Variants in CCSER1 observed in about 807,000 individuals in gnomAD.
The protein encoded by CCSER1 is coiled-coil serine rich protein 1, also known as serine-rich coiled-coil domain-containing protein 1.
Under a neutral mutation model 82.0 loss-of-function variants are expected in CCSER1, and 41 were observed. The observed-to-expected ratio is 0.50, with a 90% confidence interval of 0.39 to 0.65. The LOEUF (loss-of-function observed/expected upper bound fraction) is 0.65, where lower values mean the gene tolerates loss of function less well. Among genes scored for constraint, CCSER1 ranks in the 30% least tolerant of loss-of-function variants. CCSER1 has a pLI of 0.00. For synonymous variants in CCSER1, 414 were observed against 383.9 expected (o/e 1.08, Z -0.92); for missense variants, 1,119 against 1,064.2 (o/e 1.05, Z -0.72).
chr4:90,805,875 C>A (rs920909468), intron 7 of CCSER1, among the ~76,000 whole-genome samples: 1 of 152,132 alleles, frequency 6.6e-6, no homozygotes, highest in Non-Finnish European at 1.5e-5. Context: ...AAATCCTGTT[C>A]ATTCTACACA....
chr4:91,105,134 A>G (rs1725474181), intron 10 of CCSER1, among the ~76,000 whole-genome samples: 1 of 151,580 alleles, frequency 6.6e-6, no homozygotes. Flanking sequence ...CTTATATGAT[A>G]GAACATGAAG....
At position 90,483,192 on chromosome 4, in the gene CCSER1, A is replaced by C. The variant is rs187934542; in HGVS notation, c.1724+14838A>C. On this transcript the variant is annotated intron_variant, in intron 5 of 10. Transcript: ENST00000509176. ...CTGTTTTATCCGAGACTAGGATTGC[A>C]ACCCCTGCCTTTTTTTGTTTTCCGT... Among the ~76,000 whole-genome samples the C allele has an allele frequency of 5.1e-4, 77 of 152,254 alleles. 1 individual carries two copies. In the East Asian group the frequency reaches 0.014, roughly 29 times the overall value.
At position 90,932,972 on chromosome 4, in the gene CCSER1, A is replaced by AG. The variant is rs1347297251; in HGVS notation, c.2172+9525_2172+9526insG. On this transcript the variant is annotated intron_variant, in intron 9 of 10. Transcript: ENST00000509176. ...AAAGAAAGAAAGAAAGAAAGAAAGAAAGAAAGAAAGAGAAAGAAAGAAAGA... is the reference window on the plus strand; with the variant it reads ...AAAGAAAGAAAGAAAGAAAGAAAGAAGAGAAAGAAAGAGAAAGAAAGAAAGA... Among the ~76,000 whole-genome samples the AG allele has an allele frequency of 3.2e-4, 13 of 40,084 alleles. 4 individuals are homozygous for AG. Among genetic ancestry groups the AG allele is most frequent in the East Asian group, 1.0e-3 (2 of 1,924 alleles). 26.3% of individuals were successfully genotyped at this position (40,084 alleles called of 152,430 possible). A position where few individuals can be genotyped will look rare whatever the true frequency, so the allele number is the denominator to read the frequency against.
rs948437514 is a variant in CCSER1, at chr4:91,603,003, C to G, written c.*3946C>G. Among the ~76,000 whole-genome samples, 4 of 152,050 alleles carry G rather than the reference C, an allele frequency of 2.6e-5. No homozygotes were observed. Among genetic ancestry groups the G allele is most frequent in the Non-Finnish European group, 4.4e-5 (3 of 67,960 alleles). ...TGTAATATTCTTGGGAAATTTACCT[C>G]TCCTAGAGTTTAAGCTTTTTAAAAC... is the stretch of plus-strand genomic sequence containing the variant. On this transcript the variant is annotated 3_prime_UTR_variant, in exon 11 of 11. Transcript: ENST00000509176.
At chr4:91,584,387 T>G (rs1237953813) in intron 10 of CCSER1, among the ~76,000 whole-genome samples, 1 of 151,556 alleles carries the variant, frequency 6.6e-6, no homozygotes. Context: ...TCATTCTCAC[T>G]GAGGTAGTAT....
intron 1 of CCSER1, among the ~76,000 whole-genome samples, chr4:90,257,495 G>A (rs1332198391): frequency 2.0e-5 from 3 of 151,900 alleles, no homozygotes; most frequent in African/African-American, 7.3e-5. Flanking sequence ...CATGCTCCTT[G>A]TGTTAGTCCA....
intron 5 of CCSER1, among the ~76,000 whole-genome samples, chr4:90,536,286 G>A (rs148079390): frequency 0.014 from 2,133 of 152,126 alleles, 52 homozygotes; most frequent in African/African-American, 0.048. Context: ...CGCCCGCCTC[G>A]GCCTCCCAAA....
chr4:90,789,925 A>G (rs1755012249), intron 7 of CCSER1, among the ~76,000 whole-genome samples: 1 of 152,212 alleles, frequency 6.6e-6, no homozygotes, highest in Non-Finnish European at 1.5e-5. Flanking sequence ...AACTCATTAT[A>G]TATTTTACCT....
intron 6 of CCSER1, among the ~76,000 whole-genome samples, chr4:90,705,343 C>G (rs916986723): frequency 2.6e-5 from 4 of 152,204 alleles, no homozygotes; most frequent in Non-Finnish European, 4.4e-5. Flanking sequence ...AGCTTCATCT[C>G]AGAGAGGTAC....
intron 6 of CCSER1, among the ~76,000 whole-genome samples, chr4:90,650,556 G>T (rs1328938079): frequency 6.6e-6 from 1 of 152,074 alleles, no homozygotes; most frequent in Non-Finnish European, 1.5e-5. Context: ...TGAATGAAAG[G>T]GAATACCATA....
intron 3 of CCSER1, among the ~76,000 whole-genome samples, chr4:90,382,448 T>C (rs1157247505): frequency 6.6e-6 from 1 of 152,082 alleles, no homozygotes; most frequent in Non-Finnish European, 1.5e-5. Context: ...GAAATTCCTC[T>C]TGATAATAAA....
At chr4:90,340,516 G>A (rs1333816107) in intron 3 of CCSER1, among the ~76,000 whole-genome samples, 1 of 152,018 alleles carries the variant, frequency 6.6e-6, no homozygotes, top group East Asian at 1.9e-4. Context: ...CAGACATTTT[G>A]GCATATTGTT....
intron 6 of CCSER1, among the ~76,000 whole-genome samples, chr4:90,687,450 T>C (rs1293520155): frequency 6.6e-6 from 1 of 152,160 alleles, no homozygotes; most frequent in Non-Finnish European, 1.5e-5. Flanking sequence ...CAACCATTTT[T>C]TTTTTCACCC....
rs2153444805 is a variant in CCSER1, at chr4:90,255,432, T to C, written c.-41-52812T>C. On this transcript the variant is annotated intron_variant, in intron 1 of 10. Transcript: ENST00000509176. ...CCTTTTGCATCTTCACCATCTCTGC[T>C]CTGCATTTAATAAATATGAATCATT... Among the ~76,000 whole-genome samples, 2 of 152,290 alleles carry C rather than the reference T, an allele frequency of 1.3e-5. 1 individual carries two copies. The highest frequency in any genetic ancestry group is 2.9e-5 in the Non-Finnish European group (2 of 68,016).
At chr4:91,253,845 G>C (rs935442450) in intron 10 of CCSER1, among the ~76,000 whole-genome samples, 1 of 152,072 alleles carries the variant, frequency 6.6e-6, no homozygotes. Flanking sequence ...GTGCAAGAAG[G>C]AGCAAGAGAG....
chr4:90,718,029 T>G (rs1260834148), intron 6 of CCSER1, among the ~76,000 whole-genome samples: 4 of 151,892 alleles, frequency 2.6e-5, no homozygotes, highest in Non-Finnish European at 5.9e-5. Flanking sequence ...AAAAAAGAAA[T>G]ATATTTTTAA....
intron 10 of CCSER1, among the ~76,000 whole-genome samples, chr4:91,152,368 C>T (rs895423397): frequency 6.6e-6 from 1 of 152,172 alleles, no homozygotes; most frequent in Non-Finnish European, 1.5e-5. Flanking sequence ...CTATGTGTGT[C>T]TCTGCACATG....
chr4:90,984,339 G>T (rs1288960632), intron 9 of CCSER1, among the ~76,000 whole-genome samples: 1 of 151,770 alleles, frequency 6.6e-6, no homozygotes, highest in East Asian at 1.9e-4. Context: ...AGAGAACTTG[G>T]ATTGGCTTAA....
intron 3 of CCSER1, among the ~76,000 whole-genome samples, chr4:90,359,995 T>TAC (rs1263908547): frequency 6.7e-6 from 1 of 148,638 alleles, no homozygotes; most frequent in Non-Finnish European, 1.5e-5. Context: ...CTCGGCTTGC[T>TAC]ACAACCTCTG....
Sources: gnomAD v4.1 joint callset for allele counts (sites outside exome capture counted in the v4.1 genomes callset) on GRCh38, gnomAD v4.1.1 for gene constraint, MANE v1.5 for transcripts, NCBI Gene and HGNC (gene_info 2026-07-23, HGNC 2026-07-21) for gene names.